APEX2: variants seen among roughly 807,000 people sequenced by gnomAD.
APEX2 encodes the protein apurinic/apyrimidinic endodeoxyribonuclease 2, also known as DNA-(apurinic or apyrimidinic site) endonuclease 2.
A neutral mutation model predicts 16.7 loss-of-function variants in APEX2; 4 were observed. That is an observed-to-expected ratio of 0.24 (90% CI 0.12 to 0.55). The LOEUF (loss-of-function observed/expected upper bound fraction) is 0.55, where lower values mean the gene tolerates loss of function less well. Among genes scored for constraint, APEX2 ranks in the 20% least tolerant of loss-of-function variants. The pLI is 0.94. For synonymous variants in APEX2, 181 were observed against 166.9 expected (o/e 1.08, Z -0.65); for missense variants, 357 against 433.6 (o/e 0.82, Z 1.57).
chrX:55,001,831 G>A (rs1344449576), intron 2 of APEX2, among the ~76,000 whole-genome samples: 1 of 102,048 alleles, frequency 9.8e-6, no homozygotes, highest in Non-Finnish European at 1.9e-5. Flanking sequence ...TAGTAGTGTG[G>A]TGCTTAATTG....
At chrX:55,000,848 C>T (rs1439472861) in intron 1 of APEX2, among the ~76,000 whole-genome samples, 2 of 109,847 alleles carry the variant, frequency 1.8e-5, no homozygotes. Flanking sequence ...ACTCAGTCCC[C>T]TGAATTTCCT....
rs1935523776 is a variant in APEX2 at position 55,007,533 on chromosome X, T to A, written c.*98T>A. 5 of 917,777 alleles carry A rather than the reference T, an allele frequency of 5.4e-6. No individual in the cohort carries two copies. The allele number at this position is 917,777 out of a possible 1,213,427, so 75.6% of individuals were successfully genotyped here. Reference sequence around the variant, plus strand: ...GCTGCCTCCTGCTTCTCCCTCAAAGTCTCCTACCCTTCTCTTCCTCTTTTA... The same window carrying A: ...GCTGCCTCCTGCTTCTCCCTCAAAGACTCCTACCCTTCTCTTCCTCTTTTA... On this transcript the variant is annotated 3_prime_UTR_variant, in exon 6 of 6. Coordinates refer to ENST00000374987, the MANE Select transcript of APEX2 (RefSeq NM_014481.4).
chrX:55,007,221 A>G lies in APEX2; in HGVS notation c.1343A>G (p.Glu448Gly). The G allele has an allele frequency of 1.6e-6, 2 of 1,212,129 alleles. No homozygotes were observed. The highest frequency in any genetic ancestry group is 2.2e-6 in the Non-Finnish European group (2 of 895,602). ...GQAKTSEAKD[E>G]KELRTSFWKS... ...GCCAAGACTTCAGAAGCCAAAGATG[A>G]GAAGGAGTTACGGACCTCATTCTGG... The change falls in exon 6 of 6, where the codon GAG becomes GGG. Residue 448 changes from glutamate (E) to glycine (G), a missense_variant. By Grantham distance (98) the Glu-to-Gly change is moderately conservative. Transcript: ENST00000374987.
intron 5 of APEX2, among the ~76,000 whole-genome samples, chrX:55,005,428 C>G (rs1457237149): frequency 9.0e-6 from 1 of 111,637 alleles, no homozygotes; most frequent in Non-Finnish European, 1.9e-5. Flanking sequence ...CAGAACATAC[C>G]CACTTTCTAC....
chrX:55,002,832 T>C (rs1935461797), intron 3 of APEX2, 130 bp from the exon 4 acceptor site: 1 of 723,754 alleles, frequency 1.4e-6, no homozygotes, highest in South Asian at 2.9e-5. Flanking sequence ...GCATGCCAGA[T>C]CATTTGTGTC....
Position 55,006,908 on chromosome X carries a change from G to C in APEX2, c.1030G>C (p.Val344Leu). ...CCAGCTCAAGATCCTTCGCTTCCTA[G>C]TTCCTCTCGAACAAAGTCCTGTGTT... ...GTQLKILRFL[V>L]PLEQSPVLEQ... Residue 344 changes from valine (V) to leucine (L), a missense_variant, in exon 6 of 6, where the codon GTT becomes CTT. Transcript: ENST00000374987. 8.3e-7 allele frequency: 1 copy of C among 1,211,686 alleles called. No individual in the cohort carries two copies. The highest frequency in any genetic ancestry group is 1.1e-6 in the Non-Finnish European group (1 of 895,474).
chrX:55,008,960 C>T lies in APEX2; in HGVS notation c.*1525C>T, dbSNP rs1935546781. The T allele has an allele frequency of 1.2e-5, 5 of 428,339 alleles. No homozygotes were observed. Among genetic ancestry groups the T allele is most frequent in the East Asian group, 3.9e-5 (1 of 25,654 alleles). 35.3% of individuals were successfully genotyped at this position (428,339 alleles called of 1,213,427 possible). A position where few individuals can be genotyped will look rare whatever the true frequency, so the allele number is the denominator to read the frequency against. ...CCCTGTTGGTAAAATGGAATGGTGA[C>T]CAACAAGTGACCTATGGTTACCTCA... is the stretch of plus-strand genomic sequence containing the variant. On this transcript the variant is annotated 3_prime_UTR_variant, in exon 6 of 6. Coordinates refer to ENST00000374987, the MANE Select transcript of APEX2 (RefSeq NM_014481.4).
intron 1 of APEX2, 108 bp downstream of exon 1, chrX:55,000,687 G>C (rs1935426994): frequency 1.1e-6 from 1 of 923,137 alleles, no homozygotes; most frequent in African/African-American, 2.0e-5. Context: ...TTAGAGTCCT[G>C]TCCTTAGACC....
chrX:55,002,937 T>C, intron 3 of APEX2, 25 bp from the exon 4 acceptor site: 1 of 1,200,313 alleles, frequency 8.3e-7, no homozygotes, highest in Non-Finnish European at 1.1e-6. Context: ...AACTGACCCC[T>C]TTTGGGGGTT....
intron 5 of APEX2, among the ~76,000 whole-genome samples, chrX:55,005,825 C>T (rs1194603751): frequency 9.0e-6 from 1 of 110,731 alleles, no homozygotes; most frequent in East Asian, 2.8e-4. Context: ...TACTCAGCCC[C>T]CACACCTCAG....
At chrX:55,003,928 C>G in intron 5 of APEX2, 60 bp downstream of exon 5, 1 of 1,112,194 alleles carries the variant, frequency 9.0e-7, no homozygotes, top group Non-Finnish European at 1.2e-6. Context: ...TCCAGCCAAC[C>G]AACCCTGAGT....
chrX:55,006,946 G>C lies in APEX2; in HGVS notation c.1068G>C (p.Thr356=), dbSNP rs774201190. 1 of 1,211,788 alleles carries C rather than the reference G, an allele frequency of 8.3e-7. No individual in the cohort carries two copies. The highest frequency in any genetic ancestry group is 1.7e-5 in the African/African-American group (1 of 57,769). The change falls in exon 6 of 6, where the codon ACG becomes ACC. Residue 356 remains threonine (T), a synonymous_variant. Coordinates refer to ENST00000374987, the MANE Select transcript of APEX2 (RefSeq NM_014481.4). Reference sequence around the variant, plus strand: ...AAAGTCCTGTGTTGGAGCAGTCGACGCTGCAGCACAACAATCAAACCCGGG... The same window carrying C: ...AAAGTCCTGTGTTGGAGCAGTCGACCCTGCAGCACAACAATCAAACCCGGG... ...LEQSPVLEQS[T]LQHNNQTRVQ... is the part of the protein sequence containing the mutation.
intron 5 of APEX2, among the ~76,000 whole-genome samples, chrX:55,005,739 C>T (rs774117094): frequency 7.0e-4 from 77 of 110,326 alleles, no homozygotes; most frequent in Non-Finnish European, 1.2e-3. Flanking sequence ...CTTTTGGGTA[C>T]GCAGCACACT....
rs1935509853 is a variant in APEX2, at chrX:55,007,028, G to A, written c.1150G>A (p.Val384Ile). The change falls in exon 6 of 6, where the codon GTT becomes ATT. Residue 384 changes from valine to isoleucine, a missense_variant. Physicochemically the swap from Val to Ile is conservative, Grantham distance 29. Transcript: ENST00000374987. ...VRSTRPQPSQ[V>I]GSSRGQKNLK... ...CTCAACCAGGCCTCAGCCCAGTCAG[G>A]TTGGCTCTAGCAGAGGCCAGAAAAA... 8.3e-7 allele frequency: 1 copy of A among 1,210,005 alleles called. No homozygotes were observed. Among genetic ancestry groups the A allele is most frequent in the African/African-American group, 1.7e-5 (1 of 57,161 alleles).
At chrX:55,003,704 G>C in intron 4 of APEX2, 95 bp from the exon 5 acceptor site, 1 of 819,657 alleles carries the variant, frequency 1.2e-6, no homozygotes, top group Non-Finnish European at 1.8e-6. Flanking sequence ...GCCTCAATAT[G>C]GGAGAGGGCC....
Position 55,002,993 on chromosome X carries a change from C to T in APEX2, c.454C>T (p.Leu152=), listed in dbSNP as rs1398187953. 8.3e-7 allele frequency: 1 copy of T among 1,211,084 alleles called. No homozygotes were observed. The highest frequency in any genetic ancestry group is 1.1e-6 in the Non-Finnish European group (1 of 895,067). The change falls in exon 4 of 6, where the codon CTA becomes TTA. Residue 152 remains leucine, a synonymous_variant. Transcript: ENST00000374987. ...TWEGKEKTLT[L]INVYCPHADP... is the part of the protein sequence containing the mutation. ...GGAAGGTAAGGAGAAGACCTTGACCCTAATCAACGTGTACTGCCCCCATGC... is the reference window on the plus strand; with the variant it reads ...GGAAGGTAAGGAGAAGACCTTGACCTTAATCAACGTGTACTGCCCCCATGC...
At position 55,002,273 on chromosome X, in the gene APEX2, C is replaced by G. The variant is rs781133793; in HGVS notation, c.264C>G (p.Asp88Glu). 13 of 1,200,594 alleles carry G rather than the reference C, an allele frequency of 1.1e-5. No homozygotes were observed. Among genetic ancestry groups the G allele is most frequent in the Non-Finnish European group, 1.5e-5 (13 of 891,380 alleles). Residue 88 changes from aspartate (D) to glutamate (E), a missense_variant, in exon 3 of 6, where the codon GAC (aspartate) becomes GAG (glutamate). By Grantham distance (45) the Asp-to-Glu change is conservative. Transcript: ENST00000374987. ...GYSGVATFCK[D>E]NATPVAAEEG... ...CAGGTGTAGCCACCTTCTGTAAGGA[C>G]AATGCTACCCCAGTGGCTGCTGAAG...
In APEX2 at chrX:55,004,626, C is replaced by G. The variant is rs150457546; in HGVS notation, c.639+758C>G. ...TGTCTCTTATTTCCACCTTCAGTGT[C>G]CCTACACATTTTGTCCTCTCTAGAC... On this transcript the variant is annotated intron_variant, in intron 5 of 5. Transcript: ENST00000374987. 3.7e-4 allele frequency among the ~76,000 whole-genome samples: 41 copies of G among 111,696 alleles called. 1 individual carries two copies. The East Asian group carries it at 9.0e-3, about 25-fold the overall frequency.
intron 2 of APEX2, 52 bp downstream of exon 2, chrX:55,001,681 A>G (rs758278265): frequency 6.0e-6 from 6 of 1,007,853 alleles, no homozygotes; most frequent in African/African-American, 4.0e-5. Flanking sequence ...CAGATAGGGG[A>G]AAAGGGTTTC....
Sources: gnomAD v4.1 joint callset for allele counts (sites outside exome capture counted in the v4.1 genomes callset) on GRCh38, gnomAD v4.1.1 for gene constraint, MANE v1.5 for transcripts, NCBI Gene and HGNC (gene_info 2026-07-23, HGNC 2026-07-21) for gene names.